Variants in ARHGEF37 observed in about 807,000 individuals in gnomAD.
ARHGEF37 encodes Rho guanine nucleotide exchange factor (GEF) 37.
A neutral mutation model predicts 71.1 loss-of-function variants in ARHGEF37; 55 were observed. The ratio of observed to expected loss-of-function variants is 0.77; its 90% CI spans 0.62 to 0.97. The LOEUF (loss-of-function observed/expected upper bound fraction) is 0.97. ARHGEF37 is among the 50% of genes least tolerant of loss of function. ARHGEF37 has a pLI of 0.00. For missense variants in ARHGEF37, 765 were observed against 836.8 expected (o/e 0.91, Z 1.06); for synonymous variants, 327 against 350.6 (o/e 0.93, Z 0.75).
Position 149,620,401 on chromosome 5 carries a change from G to A in ARHGEF37, c.942G>A (p.Glu314=). ...ACGAATACAATCTGGACATCCCCGA[G>A]GGGCCTGCAGTGCAGTATTGCAATT... The part of the protein sequence containing the change: ...RPHEYNLDIP[E]GPAVQYCNLA... The change falls in exon 8 of 13, where the codon GAG becomes GAA. Residue 314 remains glutamate, a synonymous_variant. Transcript: ENST00000333677. The A allele has an allele frequency of 1.2e-6, 2 of 1,612,606 alleles. No individual in the cohort carries two copies. The highest frequency in any genetic ancestry group is 1.1e-5 in the South Asian group (1 of 90,814).
At position 149,628,912 on chromosome 5, in the gene ARHGEF37, T is replaced by C. The variant is rs775896521; in HGVS notation, c.1764T>C (p.Cys588=). The C allele has an allele frequency of 6.2e-7, 1 of 1,613,338 alleles. No homozygotes were observed. Among genetic ancestry groups the C allele is most frequent in the Non-Finnish European group, 8.5e-7 (1 of 1,179,996 alleles). The change falls in exon 12 of 13, where the codon TGT becomes TGC. Residue 588 remains cysteine (C), a synonymous_variant. Coordinates refer to ENST00000333677, the MANE Select transcript of ARHGEF37 (RefSeq NM_001001669.3). ...RQAGLNKDPR[C]LTPEPSPALV... ...CGGGGCTGAACAAAGACCCCCGATG[T>C]CTAACACCGGAGCCCAGCCCAGCTC... is the stretch of plus-strand genomic sequence containing the variant.
chr5:149,592,942 A>ATATTT (rs1274543236), intron 1 of ARHGEF37, among the ~76,000 whole-genome samples: 1 of 151,806 alleles, frequency 6.6e-6, no homozygotes, highest in Non-Finnish European at 1.5e-5. Flanking sequence ...GCTAATTTTT[A>ATATTT]TATTTTTAGT....
chr5:149,601,094 T>C lies in ARHGEF37; in HGVS notation c.187-14T>C, dbSNP rs1763741826. The C allele has an allele frequency of 6.2e-7, 1 of 1,608,338 alleles. No individual in the cohort carries two copies. The highest frequency in any genetic ancestry group is 8.5e-7 in the Non-Finnish European group (1 of 1,175,482). ...ACTCCCAACCACCTCTCATGGCTTC[T>C]TTGTTCCTTCCAGTTGCCGCAGGGA... On this transcript the variant is annotated splice_polypyrimidine_tract_variant and intron_variant, in intron 2 of 12. Coordinates refer to ENST00000333677, the MANE Select transcript of ARHGEF37 (RefSeq NM_001001669.3).
chr5:149,585,210 A>G (rs1177036533), intron 1 of ARHGEF37, among the ~76,000 whole-genome samples: 2 of 152,224 alleles, frequency 1.3e-5, no homozygotes, highest in Non-Finnish European at 2.9e-5. Context: ...GCAATGTAAA[A>G]TGGTACAACT....
In ARHGEF37 at chr5:149,616,692, T is replaced by C. The variant is rs774613785; in HGVS notation, c.584T>C (p.Val195Ala). ...GTCCCTGATGCCAGTGCCTATCCTG[T>C]CCTTCAGAGGGCTGTCTCTGCCCTC... ...NTVPDASAYP[V>A]LQRAVSALQD... Residue 195 changes from valine to alanine, a missense_variant, in exon 5 of 13, where the codon GTC (valine) becomes GCC (alanine). Around this residue, in one of 5 missense-constraint regions of ARHGEF37, gnomAD observed 167 missense variants for 173.3 expected, o/e 0.96. Transcript: ENST00000333677. 5.0e-6 allele frequency: 8 copies of C among 1,613,986 alleles called. No individual in the cohort carries two copies. The highest frequency in any genetic ancestry group is 8.5e-7 in the Non-Finnish European group (1 of 1,179,908).
intron 1 of ARHGEF37, among the ~76,000 whole-genome samples, chr5:149,562,589 CCACCCGGCTACCA>C (rs1762847591): frequency 2.0e-5 from 3 of 152,102 alleles, no homozygotes; most frequent in Admixed American, 2.0e-4. Context: ...ACTACAGGGC[CCACCCGGCTACCA>C]CACCCGGCTA....
At chr5:149,570,728 T>C (rs1762953198) in intron 1 of ARHGEF37, among the ~76,000 whole-genome samples, 1 of 150,844 alleles carries the variant, frequency 6.6e-6, no homozygotes, top group Non-Finnish European at 1.5e-5. Context: ...TTACAAAAAT[T>C]AGCTGGGCGT....
intron 5 of ARHGEF37, among the ~76,000 whole-genome samples, chr5:149,617,339 A>G (rs1752409762): frequency 6.6e-6 from 1 of 152,208 alleles, no homozygotes; most frequent in South Asian, 2.1e-4. Flanking sequence ...TGGAGGAGAA[A>G]TCAATAGTGG....
upstream of ARHGEF37, among the ~76,000 whole-genome samples, chr5:149,580,078 TC>T (rs1418564779): frequency 6.6e-6 from 1 of 152,118 alleles, no homozygotes; most frequent in African/African-American, 2.4e-5. Flanking sequence ...CTTTTCTTTT[TC>T]GAGACGGAGT....
intron 10 of ARHGEF37, among the ~76,000 whole-genome samples, chr5:149,625,608 C>T (rs929636809): frequency 7.9e-5 from 12 of 152,258 alleles, no homozygotes; most frequent in Admixed American, 7.8e-4. Context: ...TCTGTCCCCG[C>T]TCTTACTCTA....
rs143628431 is a variant in ARHGEF37, at chr5:149,593,678, T to C, written c.-11-4081T>C. On this transcript the variant is annotated intron_variant, in intron 1 of 12. Transcript: ENST00000333677. ...TTTGTATGTTATATGTATTATATACTGTATTCTTAAAGTAAGCTAGAGAAA... is the reference window on the plus strand; with the variant it reads ...TTTGTATGTTATATGTATTATATACCGTATTCTTAAAGTAAGCTAGAGAAA... 5.2e-3 allele frequency among the ~76,000 whole-genome samples: 786 copies of C among 152,346 alleles called. 11 individuals are homozygous for C. Among genetic ancestry groups the C allele is most frequent in the African/African-American group, 0.018 (732 of 41,574 alleles).
chr5:149,605,496 A>G (rs1405434085), intron 3 of ARHGEF37, among the ~76,000 whole-genome samples: 1 of 152,196 alleles, frequency 6.6e-6, no homozygotes, highest in African/African-American at 2.4e-5. Flanking sequence ...TCATATTTCA[A>G]GTGCCCAATA....
intron 4 of ARHGEF37, 57 bp from the exon 5 acceptor site, chr5:149,616,510 C>A (rs867818065): frequency 6.6e-7 from 1 of 1,513,830 alleles, no homozygotes; most frequent in Non-Finnish European, 9.0e-7. Context: ...ACAGCCCAGG[C>A]CCCCTGGTCC....
chr5:149,628,021 T>C (rs1752749316), intron 11 of ARHGEF37, among the ~76,000 whole-genome samples: 1 of 152,210 alleles, frequency 6.6e-6, no homozygotes, highest in Non-Finnish European at 1.5e-5. Context: ...GATGAAGTTT[T>C]AAAAAGTGAG....
In ARHGEF37 at chr5:149,566,958, A is replaced by G. The variant is rs1020275048; in HGVS notation, c.-12+14835A>G. Among the ~76,000 whole-genome samples the G allele has an allele frequency of 2.6e-5, 4 of 152,210 alleles. No individual in the cohort carries two copies. The East Asian group carries it at 5.8e-4, about 22-fold the overall frequency. On this transcript the variant is annotated intron_variant, in intron 1 of 2. Transcript: ENST00000505810. Reference sequence around the variant, plus strand: ...GTTTTCTTTATAACTGTATTAATTTATCAAAATCAAGGAATTTAATGTTGA... The same window carrying G: ...GTTTTCTTTATAACTGTATTAATTTGTCAAAATCAAGGAATTTAATGTTGA...
chr5:149,627,756 C>A (rs1197940089), intron 11 of ARHGEF37, among the ~76,000 whole-genome samples: 1 of 152,184 alleles, frequency 6.6e-6, no homozygotes, highest in Non-Finnish European at 1.5e-5. Context: ...GGTCTGGGTG[C>A]CCCAGTGTAA....
At chr5:149,595,436 C>T (rs1763518297) in intron 1 of ARHGEF37, among the ~76,000 whole-genome samples, 1 of 152,236 alleles carries the variant, frequency 6.6e-6, no homozygotes, top group Admixed American at 6.5e-5. Flanking sequence ...TTGCCTTAGC[C>T]TCCCAAAGTT....
intron 1 of ARHGEF37, among the ~76,000 whole-genome samples, chr5:149,553,292 A>G (rs1762709485): frequency 6.6e-6 from 1 of 152,044 alleles, no homozygotes; most frequent in Admixed American, 6.5e-5. Context: ...TCCAGCTACT[A>G]GGGAGGCTGA....
upstream of ARHGEF37, among the ~76,000 whole-genome samples, chr5:149,551,703 C>T (rs763448958): frequency 3.3e-5 from 5 of 152,236 alleles, no homozygotes; most frequent in Middle Eastern, 3.2e-3. Flanking sequence ...GGCTGAGTGG[C>T]CCCCCGGCCT....
Sources: allele counts gnomAD v4.1 joint callset (sites outside exome capture counted in the v4.1 genomes callset), GRCh38; gene constraint gnomAD v4.1.1; regional missense constraint gnomAD v4.1.1; transcripts MANE v1.5; gene names NCBI Gene and HGNC (gene_info 2026-07-23, HGNC 2026-07-21).